CCSER1: variants seen among roughly 807,000 people sequenced by gnomAD.
CCSER1 encodes the protein serine-rich coiled-coil domain-containing protein 1.
CCSER1 carries 41 observed loss-of-function variants against 82.0 expected under a neutral mutation model. That is an observed-to-expected ratio of 0.50 (90% CI 0.39 to 0.65). CCSER1 has a LOEUF of 0.65. CCSER1 is among the 30% of genes least tolerant of loss of function. The probability of loss-of-function intolerance (pLI) is 0.00; values close to 1 mark genes in which losing one functional copy is unlikely to be tolerated. For synonymous variants in CCSER1, 414 were observed against 383.9 expected, an observed-to-expected ratio of 1.08 and a Z score of -0.92; for missense variants, 1,119 against 1,064.2, an observed-to-expected ratio of 1.05 and a Z score of -0.72.
chr4:91,263,180 T>C (rs1741324308), intron 10 of CCSER1, among the ~76,000 whole-genome samples: 1 of 152,072 alleles, frequency 6.6e-6, no homozygotes, highest in African/African-American at 2.4e-5. Context: ...TCAAAATAGC[T>C]ATGCCTGGTG....
intron 9 of CCSER1, among the ~76,000 whole-genome samples, chr4:91,020,767 C>A (rs1195027352): frequency 6.6e-6 from 1 of 152,118 alleles, no homozygotes; most frequent in African/African-American, 2.4e-5. Flanking sequence ...TATACTTCAT[C>A]TTATGCTTAT....
chr4:90,907,525 T>G (rs1725681213), intron 8 of CCSER1, among the ~76,000 whole-genome samples: 2 of 152,146 alleles, frequency 1.3e-5, no homozygotes, highest in African/African-American at 4.8e-5. Flanking sequence ...CATCATTAAT[T>G]GGATGAATCA....
intron 10 of CCSER1, among the ~76,000 whole-genome samples, chr4:91,402,032 C>A (rs956314595): frequency 6.6e-6 from 1 of 152,194 alleles, no homozygotes; most frequent in African/African-American, 2.4e-5. Flanking sequence ...TAAAAGTGTT[C>A]CTATTTCTCC....
At chr4:90,556,291 A>G (rs1053209449) in intron 5 of CCSER1, among the ~76,000 whole-genome samples, 4 of 152,138 alleles carry the variant, frequency 2.6e-5, no homozygotes, top group Admixed American at 6.5e-5. Context: ...TATAATTTCA[A>G]TTAAACTTCC....
intron 6 of CCSER1, among the ~76,000 whole-genome samples, chr4:90,643,376 G>A (rs1472422679): frequency 2.6e-5 from 4 of 152,170 alleles, no homozygotes; most frequent in African/African-American, 9.7e-5. Context: ...TACTACTTCA[G>A]AGAGAGGAGA....
At chr4:91,033,205 C>T (rs1050860892) in intron 9 of CCSER1, among the ~76,000 whole-genome samples, 5 of 152,050 alleles carry the variant, frequency 3.3e-5, no homozygotes, top group Non-Finnish European at 7.4e-5. Flanking sequence ...CTCATGAAGA[C>T]ATTGTTACAG....
At chr4:90,990,238 T>C (rs911597405) in intron 9 of CCSER1, among the ~76,000 whole-genome samples, 7 of 151,888 alleles carry the variant, frequency 4.6e-5, no homozygotes, top group Non-Finnish European at 8.8e-5. Flanking sequence ...CTACAAGATA[T>C]ACGAATGTCA....
intron 7 of CCSER1, among the ~76,000 whole-genome samples, chr4:90,762,747 G>A (rs1750601948): frequency 6.6e-6 from 1 of 152,034 alleles, no homozygotes. Context: ...GCTGAAAATG[G>A]TTCTCCCAAA....
intron 10 of CCSER1, among the ~76,000 whole-genome samples, chr4:91,558,663 G>T (rs1454823355): frequency 6.6e-6 from 1 of 151,528 alleles, no homozygotes; most frequent in Non-Finnish European, 1.5e-5. Flanking sequence ...TTTCTTACAT[G>T]GTGGTGGCAA....
intron 10 of CCSER1, among the ~76,000 whole-genome samples, chr4:91,593,564 G>A (rs1189793467): frequency 1.4e-5 from 2 of 138,326 alleles, no homozygotes; most frequent in Non-Finnish European, 3.0e-5. Context: ...CGCCCACCTC[G>A]GCCTCCCAAA....
chr4:90,647,066 C>T (rs1374133365), intron 6 of CCSER1, among the ~76,000 whole-genome samples: 1 of 152,100 alleles, frequency 6.6e-6, no homozygotes, highest in African/African-American at 2.4e-5. Flanking sequence ...TGCGCCCACC[C>T]AAATTGAATT....
At chr4:90,234,844 A>C (rs999445212) in intron 1 of CCSER1, among the ~76,000 whole-genome samples, 1 of 152,182 alleles carries the variant, frequency 6.6e-6, no homozygotes, top group Non-Finnish European at 1.5e-5. Flanking sequence ...ATTAAATGGC[A>C]GTCCTTAGTT....
intron 7 of CCSER1, among the ~76,000 whole-genome samples, chr4:90,767,502 G>A (rs1369041633): frequency 6.6e-6 from 1 of 151,984 alleles, no homozygotes; most frequent in Non-Finnish European, 1.5e-5. Flanking sequence ...TAATTGCTCT[G>A]GCCTTGTGAA....
chr4:90,430,612 A>G (rs934546544), intron 4 of CCSER1, among the ~76,000 whole-genome samples: 37 of 151,926 alleles, frequency 2.4e-4, no homozygotes, highest in Non-Finnish European at 8.8e-5. Context: ...CAGGAATGTC[A>G]GTGCTTCAAA....
At chr4:91,251,364 A>T (rs1171167886) in intron 10 of CCSER1, among the ~76,000 whole-genome samples, 3 of 152,088 alleles carry the variant, frequency 2.0e-5, no homozygotes, top group African/African-American at 4.8e-5. Flanking sequence ...TCATGACCTA[A>T]TTACCTCCCA....
intron 3 of CCSER1, among the ~76,000 whole-genome samples, chr4:90,394,605 G>A (rs916542008): frequency 2.6e-5 from 4 of 151,982 alleles, no homozygotes; most frequent in South Asian, 2.1e-4. Context: ...ATTAGAACAC[G>A]TATTACATAA....
chr4:90,302,612 G>A (rs892463634), intron 1 of CCSER1, among the ~76,000 whole-genome samples: 1 of 152,070 alleles, frequency 6.6e-6, no homozygotes, highest in Non-Finnish European at 1.5e-5. Context: ...ATCAGCCTGT[G>A]CAACATAGCA....
intron 10 of CCSER1, among the ~76,000 whole-genome samples, chr4:91,113,849 C>CT (rs1166841495): frequency 8.4e-5 from 10 of 119,576 alleles, no homozygotes; most frequent in Admixed American, 2.6e-4. Context: ...TTGATATCTA[C>CT]ATTTTTTTTT....
intron 10 of CCSER1, among the ~76,000 whole-genome samples, chr4:91,144,619 G>A (rs899942232): frequency 1.3e-5 from 2 of 148,608 alleles, no homozygotes; most frequent in Non-Finnish European, 3.0e-5. Context: ...TCCTCTTAAA[G>A]CTTTTTTTTA....
Sources: allele counts gnomAD v4.1 joint callset (sites outside exome capture counted in the v4.1 genomes callset), GRCh38; gene constraint gnomAD v4.1.1; transcripts MANE v1.5; gene names NCBI Gene and HGNC (gene_info 2026-07-23, HGNC 2026-07-21).